Variants in NRG1 observed in about 807,000 individuals in gnomAD.
NRG1 encodes the protein neuregulin 1.
Under a neutral mutation model 63.8 loss-of-function variants are expected in NRG1, and 18 were observed. That is an observed-to-expected ratio of 0.28 (90% CI 0.19 to 0.42). The LOEUF (loss-of-function observed/expected upper bound fraction) is 0.42. Ranked by LOEUF, NRG1 falls within the 10% of genes least tolerant of loss-of-function variation. The pLI is 1.00. For synonymous variants in NRG1, 302 were observed against 301.3 expected, an observed-to-expected ratio of 1.00 and a Z score of -0.02; for missense variants, 762 against 814.7, an observed-to-expected ratio of 0.94 and a Z score of 0.79.
At chr8:32,600,193 G>A (rs756220582) in intron 2 of NRG1, among the ~76,000 whole-genome samples, 15 of 151,896 alleles carry the variant, frequency 9.9e-5, no homozygotes, top group South Asian at 2.1e-4. Flanking sequence ...TCTCTTGAGC[G>A]CAGGAGTTCA....
chr8:32,027,544 G>A (rs1401692092), intron 1 of NRG1, among the ~76,000 whole-genome samples: 2 of 134,480 alleles, frequency 1.5e-5, no homozygotes, highest in African/African-American at 2.7e-5. Flanking sequence ...GCTCATGCTT[G>A]TGTGTCCCTA....
chr8:32,300,976 T>C (rs960512880), intron 1 of NRG1, among the ~76,000 whole-genome samples: 1 of 152,188 alleles, frequency 6.6e-6, no homozygotes, highest in Non-Finnish European at 1.5e-5. Context: ...GAAAGTGACA[T>C]ACTTGTTCCT....
intron 1 of NRG1, among the ~76,000 whole-genome samples, chr8:32,549,928 A>C (rs573766110): frequency 7.5e-4 from 115 of 152,336 alleles, no homozygotes; most frequent in Middle Eastern, 6.8e-3. Context: ...CCCCCAACAC[A>C]CATTTCATGA....
intron 1 of NRG1, among the ~76,000 whole-genome samples, chr8:31,795,509 G>T (rs748931454): frequency 1.3e-5 from 2 of 152,144 alleles, no homozygotes; most frequent in Non-Finnish European, 2.9e-5. Flanking sequence ...GTACTGAACT[G>T]CTTCTCCCTA....
At chr8:31,682,664 G>A (rs1488871687) in intron 1 of NRG1, among the ~76,000 whole-genome samples, 4 of 151,864 alleles carry the variant, frequency 2.6e-5, no homozygotes, top group Non-Finnish European at 5.9e-5. Context: ...AAAAATTCGA[G>A]TGTTGTTTTC....
rs34689410 is a variant in NRG1, at chr8:32,488,613, CCAAA to C, written c.38-107189_38-107186del. 1.7e-3 allele frequency among the ~76,000 whole-genome samples: 249 copies of C among 150,284 alleles called. 1 individual carries two copies. The highest frequency in any genetic ancestry group is 3.4e-3 in the Middle Eastern group (1 of 292). On this transcript the variant is annotated intron_variant, in intron 1 of 10. Transcript: ENST00000519301. ...CAACATGGCAAAACCCCATCTCTACCCAAACAAACAAACAAACAAACAAACAAAC... is the reference window on the plus strand; with the variant it reads ...CAACATGGCAAAACCCCATCTCTACCCAAACAAACAAACAAACAAACAAAC...
chr8:31,911,331 A>G lies in NRG1; in HGVS notation c.37+271900A>G, dbSNP rs1472912370. Among the ~76,000 whole-genome samples, 4 of 152,172 alleles carry G rather than the reference A, an allele frequency of 2.6e-5. No homozygotes were observed. In the East Asian group the frequency reaches 7.7e-4, roughly 29 times the overall value. On this transcript the variant is annotated intron_variant, in intron 1 of 10. Coordinates refer to the NRG1 transcript ENST00000519301. The stretch of plus-strand genomic sequence containing the variant: ...TCAGAACAGCAAAGATGTGGAATCA[A>G]TCTAAATGCTCACCAACCGTAGACT...
chr8:32,634,714 A>C (rs1850998019), intron 5 of NRG1, among the ~76,000 whole-genome samples: 1 of 152,218 alleles, frequency 6.6e-6, no homozygotes, highest in Non-Finnish European at 1.5e-5. Flanking sequence ...GTCCAAATAA[A>C]AATTTTATTG....
chr8:32,332,105 G>C (rs1360251449), intron 1 of NRG1, among the ~76,000 whole-genome samples: 2 of 152,024 alleles, frequency 1.3e-5, no homozygotes, highest in African/African-American at 4.8e-5. Flanking sequence ...GGGCAGCATA[G>C]CAAGACCCCA....
chr8:32,404,124 A>ACCCT lies in NRG1; in HGVS notation c.38-191704_38-191703insCCCT, dbSNP rs1813612194. 3.3e-5 allele frequency among the ~76,000 whole-genome samples: 5 copies of ACCCT among 152,362 alleles called. 1 individual carries two copies. In the South Asian group the frequency reaches 1.0e-3, roughly 32 times the overall value. On this transcript the variant is annotated intron_variant, in intron 1 of 10. Coordinates refer to the NRG1 transcript ENST00000519301. The stretch of plus-strand genomic sequence containing the variant: ...GTCACCTAGGTGCCTAAAGAGAAGC[A>ACCCT]GATGAAGAGAGAAGACCCTGGAGAA...
intron 7 of NRG1, among the ~76,000 whole-genome samples, chr8:32,745,457 A>G (rs142592830): frequency 0.026 from 3,937 of 152,300 alleles, 93 homozygotes; most frequent in Non-Finnish European, 0.034. Flanking sequence ...AGAATGTCCA[A>G]TGAGCCATTT....
intron 1 of NRG1, among the ~76,000 whole-genome samples, chr8:31,823,898 G>T (rs1586653957): frequency 6.6e-6 from 1 of 152,104 alleles, no homozygotes; most frequent in South Asian, 2.1e-4. Context: ...CCTAGAAGAG[G>T]CAAAGCTTCT....
chr8:31,731,651 C>A (rs1443822132), intron 1 of NRG1, among the ~76,000 whole-genome samples: 1 of 151,892 alleles, frequency 6.6e-6, no homozygotes, highest in Non-Finnish European at 1.5e-5. Context: ...CAGAACATAA[C>A]TCAGTTAATA....
intron 1 of NRG1, among the ~76,000 whole-genome samples, chr8:32,165,577 C>T (rs956921713): frequency 6.6e-6 from 1 of 152,144 alleles, no homozygotes; most frequent in Non-Finnish European, 1.5e-5. Flanking sequence ...AGAAACAAGA[C>T]TGTTAGAGGG....
At chr8:32,013,790 G>A (rs1815102633) in intron 1 of NRG1, among the ~76,000 whole-genome samples, 2 of 152,098 alleles carry the variant, frequency 1.3e-5, no homozygotes, top group African/African-American at 4.8e-5. Flanking sequence ...GGAAATGATG[G>A]GATTAAGCTA....
At chr8:32,424,575 C>A (rs1397165286) in intron 1 of NRG1, among the ~76,000 whole-genome samples, 1 of 152,100 alleles carries the variant, frequency 6.6e-6, no homozygotes, top group East Asian at 1.9e-4. Flanking sequence ...GTTTTAGAAT[C>A]TTGGGCAATT....
intron 1 of NRG1, among the ~76,000 whole-genome samples, chr8:31,866,580 T>A (rs971304355): frequency 6.6e-6 from 1 of 152,188 alleles, no homozygotes; most frequent in South Asian, 2.1e-4. Flanking sequence ...CAATGGCTGT[T>A]GAAAATTCTC....
At chr8:32,597,954 G>A (rs1843653221) in intron 2 of NRG1, among the ~76,000 whole-genome samples, 1 of 152,140 alleles carries the variant, frequency 6.6e-6, no homozygotes, top group Non-Finnish European at 1.5e-5. Flanking sequence ...TGGATGGAAT[G>A]GATTTTGGTG....
At chr8:31,664,173 A>G (rs776401649) in intron 1 of NRG1, among the ~76,000 whole-genome samples, 20 of 152,132 alleles carry the variant, frequency 1.3e-4, no homozygotes, top group Admixed American at 2.0e-4. Flanking sequence ...TCCTTCTCCA[A>G]CAGGGAAAGG....
Sources: gnomAD v4.1 joint callset for allele counts (sites outside exome capture counted in the v4.1 genomes callset) on GRCh38, gnomAD v4.1.1 for gene constraint, MANE v1.5 for transcripts, NCBI Gene and HGNC (gene_info 2026-07-23, HGNC 2026-07-21) for gene names.